Variants in EYS observed in about 807,000 individuals in gnomAD.
The protein encoded by EYS is protein eyes shut homolog.
EYS carries 250 observed loss-of-function variants against 282.1 expected under a neutral mutation model. The ratio of observed to expected loss-of-function variants is 0.89; its 90% CI spans 0.80 to 0.98. The LOEUF (loss-of-function observed/expected upper bound fraction) is 0.98. Among genes scored for constraint, EYS ranks in the 50% least tolerant of loss-of-function variants. The probability of loss-of-function intolerance (pLI) is 0.00; values close to 1 mark genes in which losing one functional copy is unlikely to be tolerated. For missense variants in EYS, 4,016 were observed against 3,709.0 expected, an observed-to-expected ratio of 1.08 and a Z score of -2.15; for synonymous variants, 1,355 against 1,282.9, an observed-to-expected ratio of 1.06 and a Z score of -1.20.
chr6:64,310,805 G>A (rs903998792), intron 29 of EYS, among the ~76,000 whole-genome samples: 1 of 151,978 alleles, frequency 6.6e-6, no homozygotes, highest in Non-Finnish European at 1.5e-5. Context: ...CTGAGCATAT[G>A]AGTGAACAAA....
At chr6:65,404,190 T>A (rs946066509) in intron 6 of EYS, among the ~76,000 whole-genome samples, 3 of 152,012 alleles carry the variant, frequency 2.0e-5, no homozygotes, top group Admixed American at 2.0e-4. Context: ...ACCAGCCTCA[T>A]TACATCATCA....
intron 2 of EYS, among the ~76,000 whole-genome samples, chr6:65,606,328 C>G (rs189775830): frequency 6.6e-6 from 1 of 151,808 alleles, no homozygotes; most frequent in African/African-American, 2.4e-5. Context: ...ACTACATATT[C>G]CAAGCCATAC....
At chr6:65,591,206 T>G (rs1033245107) in intron 2 of EYS, among the ~76,000 whole-genome samples, 3 of 152,030 alleles carry the variant, frequency 2.0e-5, no homozygotes, top group Non-Finnish European at 4.4e-5. Flanking sequence ...TACAGTGGTT[T>G]GTTTGCTTGT....
In EYS at chr6:64,935,771, T is replaced by G. The variant is rs570663187; in HGVS notation, c.2381+10022A>C. Among the ~76,000 whole-genome samples the G allele has an allele frequency of 8.6e-5, 13 of 151,886 alleles. 1 individual carries two copies. In the South Asian group the frequency reaches 2.7e-3, roughly 31 times the overall value. On this transcript the variant is annotated intron_variant, in intron 15 of 42. Coordinates refer to ENST00000503581, the MANE Select transcript of EYS (RefSeq NM_001142800.2). Reference sequence around the variant, plus strand: ...AAAGTAACCCAAAAAAAGTATAGCATATCAATAAACTTACAATAAGCAAAG... The same window carrying G: ...AAAGTAACCCAAAAAAAGTATAGCAGATCAATAAACTTACAATAAGCAAAG...
chr6:63,818,348 A>C (rs1323118927), intron 36 of EYS, among the ~76,000 whole-genome samples: 3 of 152,198 alleles, frequency 2.0e-5, no homozygotes, highest in African/African-American at 7.2e-5. Flanking sequence ...GCTGATTTTC[A>C]TAGTTAAGAA....
chr6:65,295,646 T>C, intron 12 of EYS: 2 of 547,478 alleles, frequency 3.7e-6, no homozygotes, highest in South Asian at 2.3e-5. Flanking sequence ...ATTAGTCTTA[T>C]TTGCATGAGC....
At chr6:64,803,056 AG>A (rs1484576500) in intron 22 of EYS, among the ~76,000 whole-genome samples, 1 of 152,152 alleles carries the variant, frequency 6.6e-6, no homozygotes, top group African/African-American at 2.4e-5. Flanking sequence ...CATCTGGACG[AG>A]GGGAATGCAG....
At chr6:64,977,372 TG>T (rs1770503903) in intron 14 of EYS, among the ~76,000 whole-genome samples, 1 of 151,988 alleles carries the variant, frequency 6.6e-6, no homozygotes, top group South Asian at 2.1e-4. Context: ...CCATACAAGA[TG>T]GCAAACTTAA....
At chr6:65,010,585 T>C (rs1771835383) in intron 13 of EYS, among the ~76,000 whole-genome samples, 1 of 152,202 alleles carries the variant, frequency 6.6e-6, no homozygotes, top group South Asian at 2.1e-4. Context: ...CTGATGGAAG[T>C]TCCTTTGTAG....
At chr6:65,202,735 T>C (rs1373770113) in intron 12 of EYS, among the ~76,000 whole-genome samples, 1 of 152,106 alleles carries the variant, frequency 6.6e-6, no homozygotes, top group Non-Finnish European at 1.5e-5. Flanking sequence ...ATGCCTAGAA[T>C]AGCTTTGTGA....
chr6:64,654,244 A>G (rs1037890084), intron 22 of EYS, among the ~76,000 whole-genome samples: 4 of 152,198 alleles, frequency 2.6e-5, no homozygotes, highest in South Asian at 4.1e-4. Flanking sequence ...TAAAAGTTCA[A>G]TTGTCTAATA....
At chr6:65,151,896 A>G (rs913000108) in intron 12 of EYS, among the ~76,000 whole-genome samples, 3 of 151,982 alleles carry the variant, frequency 2.0e-5, no homozygotes, top group African/African-American at 4.8e-5. Context: ...TCAGATATTT[A>G]GAATTTTCCT....
At chr6:65,248,673 A>T (rs1767242555) in intron 12 of EYS, among the ~76,000 whole-genome samples, 1 of 152,124 alleles carries the variant, frequency 6.6e-6, no homozygotes, top group African/African-American at 2.4e-5. Flanking sequence ...TTTAACTGTA[A>T]ATAATATCTC....
At chr6:64,471,177 T>C (rs1776111285) in intron 26 of EYS, among the ~76,000 whole-genome samples, 1 of 152,182 alleles carries the variant, frequency 6.6e-6, no homozygotes, top group Non-Finnish European at 1.5e-5. Flanking sequence ...AAGAATATTA[T>C]ATCCACAAGA....
At chr6:64,726,954 A>G (rs1023101692) in intron 22 of EYS, among the ~76,000 whole-genome samples, 1 of 152,206 alleles carries the variant, frequency 6.6e-6, no homozygotes, top group African/African-American at 2.4e-5. Context: ...CTGAGCATGC[A>G]TGTGTAATTT....
At chr6:65,408,153 A>G (rs1330332643) in intron 5 of EYS, among the ~76,000 whole-genome samples, 1 of 151,984 alleles carries the variant, frequency 6.6e-6, no homozygotes, top group Admixed American at 6.6e-5. Flanking sequence ...CTTTATCAGG[A>G]TAGAAAAAAA....
intron 30 of EYS, among the ~76,000 whole-genome samples, chr6:64,249,244 C>A (rs181490691): frequency 6.6e-6 from 1 of 152,032 alleles, no homozygotes; most frequent in African/African-American, 2.4e-5. Context: ...ATGAAAGGAA[C>A]TGGAAGCCGT....
chr6:64,000,717 G>C (rs1295615203), intron 33 of EYS, among the ~76,000 whole-genome samples: 1 of 152,052 alleles, frequency 6.6e-6, no homozygotes, highest in African/African-American at 2.4e-5. Context: ...GCGCAACTGT[G>C]GGCTGGTTCC....
At chr6:64,670,447 GA>G (rs68079769) in intron 22 of EYS, among the ~76,000 whole-genome samples, 34,052 of 140,982 alleles carry the variant, frequency 0.24, 4,161 homozygotes, top group East Asian at 0.44. Flanking sequence ...ATAAATAAAT[GA>G]AAAAAAAACG....
Sources: gnomAD v4.1 joint callset for allele counts (sites outside exome capture counted in the v4.1 genomes callset) on GRCh38, gnomAD v4.1.1 for gene constraint, MANE v1.5 for transcripts, NCBI Gene and HGNC (gene_info 2026-07-23, HGNC 2026-07-21) for gene names.